FSAF1: variants seen among roughly 807,000 people sequenced by gnomAD.
The protein encoded by FSAF1 is 40S small subunit processome assembly factor 1.
chr1:231,227,271 T>C, the FSAF1 span, among the ~76,000 whole-genome samples: 1 of 152,136 alleles, frequency 6.6e-6, no homozygotes, highest in African/African-American at 2.4e-5. Context: ...TTCTCCTGTT[T>C]TTTTTCCTTT....
At chr1:231,227,585 G>GTTT in the FSAF1 span, among the ~76,000 whole-genome samples, 2,220 of 102,048 alleles carry the variant, frequency 0.022, 105 homozygotes, top group Non-Finnish European at 0.028. Context: ...CTCGCCCACG[G>GTTT]TTTTTTTTTT....
the FSAF1 span, chr1:231,225,452 A>T: frequency 1.2e-6 from 2 of 1,610,800 alleles, no homozygotes; most frequent in African/African-American, 2.7e-5. Flanking sequence ...CAACCCCAGG[A>T]CCTGATAAAA....
chr1:231,226,368 C>T, the FSAF1 span: 3 of 275,592 alleles, frequency 1.1e-5, no homozygotes, highest in South Asian at 4.9e-5. Context: ...CCCTCATGAG[C>T]GGAAGCAGCT....
the FSAF1 span, among the ~76,000 whole-genome samples, chr1:231,234,338 A>C: frequency 6.6e-6 from 1 of 152,128 alleles, no homozygotes; most frequent in Non-Finnish European, 1.5e-5. The surrounding 1 kb of genome is among the most constrained non-coding windows in gnomAD (Gnocchi z 4.0). Flanking sequence ...AGCTGTGGAG[A>C]AATGGCAGTG....
chr1:231,231,410 T>C, the FSAF1 span, among the ~76,000 whole-genome samples: 4 of 152,164 alleles, frequency 2.6e-5, no homozygotes, highest in Admixed American at 6.5e-5. Flanking sequence ...CCTAAGATAT[T>C]TACCGCCTTT....
the FSAF1 span, chr1:231,237,231 GAA>G: frequency 6.6e-6 from 1 of 152,210 alleles, no homozygotes; most frequent in African/African-American, 2.4e-5. Context: ...CTGAATTTTA[GAA>G]AAGATTATAC....
At chr1:231,224,197 G>A in the FSAF1 span, 24 of 1,409,730 alleles carry the variant, frequency 1.7e-5, no homozygotes, top group Admixed American at 2.5e-5. Flanking sequence ...TGTTAAGAAC[G>A]ATCTATCTAG....
the FSAF1 span, chr1:231,226,984 G>A: frequency 6.2e-7 from 1 of 1,613,982 alleles, no homozygotes; most frequent in African/African-American, 1.3e-5. Context: ...TTAGCGCCCA[G>A]CATAATGGCA....
At chr1:231,224,061 T>C in the FSAF1 span, 24 of 431,240 alleles carry the variant, frequency 5.6e-5, no homozygotes, top group Non-Finnish European at 9.5e-5. Context: ...TTCAGTGGGT[T>C]CACTTCACAT....
At chr1:231,238,754 C>T in the FSAF1 span, 2 of 1,178,316 alleles carry the variant, frequency 1.7e-6, no homozygotes, top group African/African-American at 1.5e-5. Flanking sequence ...ATCTGCAGGC[C>T]TGAGGATAGT....
At chr1:231,231,681 T>C in the FSAF1 span, among the ~76,000 whole-genome samples, 1 of 152,114 alleles carries the variant, frequency 6.6e-6, no homozygotes, top group South Asian at 2.1e-4. Context: ...AGTAATAAAA[T>C]TCTTGGCCAA....
At chr1:231,240,848 G>A in the FSAF1 span, among the ~76,000 whole-genome samples, 1 of 152,204 alleles carries the variant, frequency 6.6e-6, no homozygotes, top group Admixed American at 6.5e-5. The surrounding 1 kb of genome is among the most constrained non-coding windows in gnomAD (Gnocchi z 4.1). Context: ...GAGCCCGGTC[G>A]AGGGGTGACT....
At chr1:231,227,214 G>A in the FSAF1 span, 5 of 794,362 alleles carry the variant, frequency 6.3e-6, no homozygotes, top group Admixed American at 4.5e-5. Flanking sequence ...GTGGTCAAAG[G>A]AGCTCTATGG....
chr1:231,230,375 G>C, the FSAF1 span, among the ~76,000 whole-genome samples: 1 of 152,286 alleles, frequency 6.6e-6, no homozygotes, highest in Admixed American at 6.5e-5. Context: ...CTGGCCACTA[G>C]TGTAATGGGC....
At chr1:231,240,487 T>A in the FSAF1 span, among the ~76,000 whole-genome samples, 1 of 151,658 alleles carries the variant, frequency 6.6e-6, no homozygotes, top group Admixed American at 6.6e-5. The surrounding 1 kb of genome is among the most constrained non-coding windows in gnomAD (Gnocchi z 4.1). Flanking sequence ...ATTTTCCTTT[T>A]CCCCCATCAA....
the FSAF1 span, chr1:231,224,560 G>A: frequency 2.0e-5 from 15 of 740,626 alleles, no homozygotes; most frequent in Non-Finnish European, 3.2e-5. Flanking sequence ...CCTTCCTGTG[G>A]TCCCTGAAAC....
the FSAF1 span, among the ~76,000 whole-genome samples, chr1:231,227,373 T>C: frequency 2.0e-5 from 3 of 152,200 alleles, no homozygotes; most frequent in Admixed American, 6.6e-5. Context: ...CTCCTGGGCA[T>C]GTGATCTCCT....
chr1:231,233,251 A>G, the FSAF1 span, among the ~76,000 whole-genome samples: 1 of 152,248 alleles, frequency 6.6e-6, no homozygotes, highest in Non-Finnish European at 1.5e-5. Context: ...GACAAAGAGC[A>G]GAGCCTAACC....
chr1:231,233,649 T>C, the FSAF1 span, among the ~76,000 whole-genome samples: 2 of 151,710 alleles, frequency 1.3e-5, no homozygotes, highest in Non-Finnish European at 2.9e-5. Flanking sequence ...GCCTACCGGG[T>C]TCAAGCGATT....
Sources: allele counts gnomAD v4.1 joint callset (sites outside exome capture counted in the v4.1 genomes callset), GRCh38; gene constraint gnomAD v4.1.1; non-coding constraint Gnocchi (gnomAD v3.1); transcripts MANE v1.5; gene names NCBI Gene and HGNC (gene_info 2026-07-23, HGNC 2026-07-21).